ZNF787: variants seen among roughly 807,000 people sequenced by gnomAD.
ZNF787 encodes TTF-I-interacting peptide 20.
In ZNF787, 7 loss-of-function variants were observed where a neutral mutation model predicts 16.9. The ratio of observed to expected loss-of-function variants is 0.42; its 90% CI spans 0.24 to 0.78. The LOEUF (loss-of-function observed/expected upper bound fraction) is 0.78, where lower values mean the gene tolerates loss of function less well. ZNF787 is among the 30% of genes least tolerant of loss of function. The probability of loss-of-function intolerance (pLI) is 0.30; values close to 1 mark genes in which losing one functional copy is unlikely to be tolerated. For missense variants in ZNF787, 551 were observed against 589.3 expected (o/e 0.94, Z 0.67); for synonymous variants, 345 against 270.9 (o/e 1.27, Z -2.69).
At chr19:56,119,102 C>T (rs2030215849) in intron 1 of ZNF787, among the ~76,000 whole-genome samples, 1 of 152,152 alleles carries the variant, frequency 6.6e-6, no homozygotes, top group South Asian at 2.1e-4. Context: ...CTGTATGATT[C>T]CTGCCAGGCT....
chr19:56,114,279 C>A (rs1458793582), intron 1 of ZNF787, among the ~76,000 whole-genome samples: 1 of 152,156 alleles, frequency 6.6e-6, no homozygotes, highest in Non-Finnish European at 1.5e-5. Context: ...CCCTTAAGGA[C>A]CGGCCCCACT....
At chr19:56,102,653 TG>T in intron 2 of ZNF787, 2 of 488,322 alleles carry the variant, frequency 4.1e-6, no homozygotes, top group Non-Finnish European at 7.2e-6. Flanking sequence ...TGCGTCAGCC[TG>T]CGGGTTCCCT....
chr19:56,108,785 G>A (rs1421311171), intron 1 of ZNF787, among the ~76,000 whole-genome samples: 1 of 152,168 alleles, frequency 6.6e-6, no homozygotes, highest in Non-Finnish European at 1.5e-5. Flanking sequence ...CGGAAGGACA[G>A]GCAGACCTCC....
intron 2 of ZNF787, 44 bp downstream of exon 2, chr19:56,103,095 G>C (rs1204933076): frequency 1.9e-6 from 3 of 1,602,424 alleles, no homozygotes; most frequent in Non-Finnish European, 1.7e-6. Context: ...CCAGGGTCAG[G>C]TGGGAGGCAG....
intron 2 of ZNF787, among the ~76,000 whole-genome samples, chr19:56,100,906 G>A (rs1388051632): frequency 7.0e-6 from 1 of 143,208 alleles, no homozygotes; most frequent in Admixed American, 7.0e-5. Context: ...CCATGGCCAG[G>A]CCAACCCCCA....
chr19:56,092,010 GCCGAAA>G (rs1196401805), intron 2 of ZNF787, among the ~76,000 whole-genome samples: 289 of 102,318 alleles, frequency 2.8e-3, no homozygotes, highest in African/African-American at 8.7e-3. Flanking sequence ...GGAAGCCAAA[GCCGAAA>G]CCGAAGCCGA....
intron 1 of ZNF787, among the ~76,000 whole-genome samples, chr19:56,117,438 T>C (rs11667729): frequency 0.039 from 656 of 16,848 alleles, no homozygotes; most frequent in South Asian, 0.067. Flanking sequence ...GCTAGTACAA[T>C]CTCACACAGC....
intron 1 of ZNF787, among the ~76,000 whole-genome samples, chr19:56,109,051 G>C (rs1346836861): frequency 6.6e-6 from 1 of 152,134 alleles, no homozygotes; most frequent in Non-Finnish European, 1.5e-5. Flanking sequence ...ACGGGAGCAA[G>C]GGAGCCGGCC....
intron 1 of ZNF787, among the ~76,000 whole-genome samples, chr19:56,113,687 A>AAAG (rs1207491135): frequency 3.8e-5 from 1 of 26,076 alleles, no homozygotes; most frequent in East Asian, 3.9e-4. Flanking sequence ...AGGAACCGGG[A>AAAG]CGCAGGGAGG....
chr19:56,109,453 C>T lies in ZNF787; in HGVS notation c.-10-6226G>A, dbSNP rs184683217. On this transcript the variant is annotated intron_variant, in intron 1 of 2. Transcript: ENST00000610935. ...AGCACCGGGAGCTGAGGCTGAGAGA[C>T]AGCTGCACACACCAACCCTTATCTC... Among the ~76,000 whole-genome samples, 351 of 152,314 alleles carry T rather than the reference C, an allele frequency of 2.3e-3. 4 individuals are homozygous for T. Among genetic ancestry groups the T allele is most frequent in the Admixed American group, 0.013 (192 of 15,306 alleles).
chr19:56,107,508 T>G (rs988814973), intron 1 of ZNF787, among the ~76,000 whole-genome samples: 82 of 148,362 alleles, frequency 5.5e-4, no homozygotes, highest in Middle Eastern at 3.5e-3. Context: ...GGGGTCACTG[T>G]GAGACAATGG....
chr19:56,109,731 A>G (rs1307761298), intron 1 of ZNF787, among the ~76,000 whole-genome samples: 1 of 152,106 alleles, frequency 6.6e-6, no homozygotes, highest in Non-Finnish European at 1.5e-5. Context: ...TAAAAATACA[A>G]AAATTAGCCG....
chr19:56,095,069 G>A (rs944499983), intron 2 of ZNF787, among the ~76,000 whole-genome samples: 23 of 152,138 alleles, frequency 1.5e-4, no homozygotes, highest in Admixed American at 5.9e-4. Context: ...AGCCAATATC[G>A]CACCATCGCA....
At chr19:56,106,834 C>T (rs1181572668) in intron 1 of ZNF787, among the ~76,000 whole-genome samples, 2 of 152,242 alleles carry the variant, frequency 1.3e-5, no homozygotes, top group Non-Finnish European at 2.9e-5. Context: ...CAGACCAGCA[C>T]GCGGAACAGT....
chr19:56,105,884 C>CGGCCGCGCCCACGGCAGTCACCG (rs1986284444), intron 1 of ZNF787, among the ~76,000 whole-genome samples: 1 of 151,840 alleles, frequency 6.6e-6, no homozygotes, highest in African/African-American at 2.4e-5. Flanking sequence ...GCGCATTCCC[C>CGGCCGCGCCCACGGCAGTCACCG]CGGCCGCGCC....
chr19:56,093,606 C>T lies in ZNF787; in HGVS notation c.80-4514G>A, dbSNP rs987737357. On this transcript the variant is annotated intron_variant, in intron 2 of 2. Coordinates refer to ENST00000610935, the MANE Select transcript of ZNF787 (RefSeq NM_001002836.4). ...TTTCCCTGGTCAGTTGTCTGAGGCTCATTCGCTTTTAGGTTCCTCAGGAAG... is the reference window on the plus strand; with the variant it reads ...TTTCCCTGGTCAGTTGTCTGAGGCTTATTCGCTTTTAGGTTCCTCAGGAAG... Among the ~76,000 whole-genome samples the T allele has an allele frequency of 1.3e-4, 20 of 152,170 alleles. No individual in the cohort carries two copies. In the South Asian group the frequency reaches 2.5e-3, roughly 19 times the overall value.
intron 2 of ZNF787, among the ~76,000 whole-genome samples, chr19:56,091,712 T>C (rs1177017254): frequency 6.6e-6 from 1 of 152,334 alleles, no homozygotes; most frequent in East Asian, 1.9e-4. Flanking sequence ...CACTGTTAAA[T>C]GGACAGGGTT....
intron 1 of ZNF787, among the ~76,000 whole-genome samples, chr19:56,120,932 G>T (rs1453311396): frequency 3.9e-5 from 4 of 101,640 alleles, no homozygotes; most frequent in Non-Finnish European, 7.8e-5. Context: ...CCCGCTCGCC[G>T]CCCGCGGGCC....
intron 1 of ZNF787, among the ~76,000 whole-genome samples, chr19:56,115,265 C>T (rs1162380709): frequency 6.6e-6 from 1 of 150,734 alleles, no homozygotes; most frequent in Non-Finnish European, 1.5e-5. Context: ...GTCCCTCTGG[C>T]GGGGTTCAGG....
Sources: gnomAD v4.1 joint callset for allele counts (sites outside exome capture counted in the v4.1 genomes callset) on GRCh38, gnomAD v4.1.1 for gene constraint, MANE v1.5 for transcripts, NCBI Gene and HGNC (gene_info 2026-07-23, HGNC 2026-07-21) for gene names.